KCNB2: variants seen among roughly 807,000 people sequenced by gnomAD.
The protein encoded by KCNB2 is delayed rectifier potassium channel protein.
Under a neutral mutation model 61.5 loss-of-function variants are expected in KCNB2, and 15 were observed. The ratio of observed to expected loss-of-function variants is 0.24; its 90% confidence interval spans 0.16 to 0.38. KCNB2 has a LOEUF of 0.38. Ranked by LOEUF, KCNB2 falls within the 10% of genes least tolerant of loss-of-function variation. The pLI, the probability that KCNB2 is intolerant of heterozygous loss-of-function variation, is 1.00. For synonymous variants in KCNB2, 457 were observed against 446.0 expected (o/e 1.02, Z -0.31); for missense variants, 828 against 1,125.2 (o/e 0.74, Z 3.78).
chr8:72,725,129 AT>A (rs1371507925), intron 2 of KCNB2, among the ~76,000 whole-genome samples: 1 of 152,090 alleles, frequency 6.6e-6, no homozygotes, highest in African/African-American at 2.4e-5. Context: ...CAAAAGAATA[AT>A]TTTTCTCCCC....
At chr8:72,856,946 T>C (rs78688831) in intron 2 of KCNB2, among the ~76,000 whole-genome samples, 1 of 152,104 alleles carries the variant, frequency 6.6e-6, no homozygotes, top group Non-Finnish European at 1.5e-5. Flanking sequence ...CAGAAACATA[T>C]GGAAATGCAG....
intron 2 of KCNB2, among the ~76,000 whole-genome samples, chr8:72,727,401 TTC>T (rs976082039): frequency 6.6e-6 from 1 of 152,202 alleles, no homozygotes; most frequent in African/African-American, 2.4e-5. Flanking sequence ...TGCTCCTCTT[TTC>T]TTTGTTCTTT....
chr8:72,933,359 T>A (rs535688967), intron 2 of KCNB2, among the ~76,000 whole-genome samples: 1 of 152,370 alleles, frequency 6.6e-6, no homozygotes, highest in Non-Finnish European at 1.5e-5. Context: ...TTTCACTTTA[T>A]CCTTTGCCAA....
rs1554546075 is a variant in KCNB2 at position 72,937,065 on chromosome 8, T to C, written c.1710T>C (p.Tyr570=). 3.1e-6 allele frequency: 5 copies of C among 1,613,902 alleles called. No individual in the cohort carries two copies. The South Asian group carries it at 5.5e-5, about 18-fold the overall frequency. ...CQEKPERPSA[Y]EEEIEMEEVV... ...AAAAGCCTGAGAGGCCATCTGCATA[T>C]GAAGAAGAGATTGAAATGGAAGAAG... is the stretch of plus-strand genomic sequence containing the variant. Residue 570 remains tyrosine (Y), a synonymous_variant, in exon 3 of 3, where the codon TAT becomes TAC. Transcript: ENST00000523207.
intron 2 of KCNB2, among the ~76,000 whole-genome samples, chr8:72,893,299 T>A (rs1350123693): frequency 6.6e-6 from 1 of 152,162 alleles, no homozygotes; most frequent in African/African-American, 2.4e-5. Context: ...AATTTATTAT[T>A]TTTTATTTCA....
chr8:72,840,409 C>T (rs1809860910), intron 2 of KCNB2, among the ~76,000 whole-genome samples: 1 of 152,136 alleles, frequency 6.6e-6, no homozygotes, highest in East Asian at 1.9e-4. Flanking sequence ...GATTTATAAT[C>T]CTTCAGGTAT....
At chr8:72,682,356 A>G (rs1274283798) in intron 2 of KCNB2, among the ~76,000 whole-genome samples, 4 of 152,112 alleles carry the variant, frequency 2.6e-5, no homozygotes, top group African/African-American at 4.8e-5. Flanking sequence ...ATTATACCAT[A>G]CCTTTTGGAA....
Position 72,613,923 on chromosome 8 carries a change from G to A in KCNB2, c.579+45610G>A, listed in dbSNP as rs60114938. Among the ~76,000 whole-genome samples the A allele has an allele frequency of 1.9e-3, 293 of 152,260 alleles. 2 individuals carry two copies. The highest frequency in any genetic ancestry group is 6.7e-3 in the African/African-American group (278 of 41,556). On this transcript the variant is annotated intron_variant, in intron 2 of 2. Coordinates refer to ENST00000523207, the MANE Select transcript of KCNB2 (RefSeq NM_004770.3). Reference sequence around the variant, plus strand: ...ATGGGATCTTACCCGTTCTCAATACGCAGAGATTATGGGTTTAAACTCCCA... The same window carrying A: ...ATGGGATCTTACCCGTTCTCAATACACAGAGATTATGGGTTTAAACTCCCA...
chr8:72,818,949 T>C (rs1809448041), intron 2 of KCNB2, among the ~76,000 whole-genome samples: 1 of 152,208 alleles, frequency 6.6e-6, no homozygotes, highest in Admixed American at 6.5e-5. Context: ...TGCTTACCAG[T>C]TGTGTAAAAC....
chr8:72,657,621 A>G lies in KCNB2; in HGVS notation c.579+89308A>G, dbSNP rs187735729. Among the ~76,000 whole-genome samples, 387 of 152,308 alleles carry G rather than the reference A, an allele frequency of 2.5e-3. 2 individuals are homozygous for G. The highest frequency in any genetic ancestry group is 3.6e-3 in the Admixed American group (55 of 15,294). On this transcript the variant is annotated intron_variant, in intron 2 of 2. Coordinates refer to ENST00000523207, the MANE Select transcript of KCNB2 (RefSeq NM_004770.3). Reference sequence around the variant, plus strand: ...ACAGTCTCCTAAGAAATACAATTCTATCCAGTTTCCACTGAGCAATTGTAT... The same window carrying G: ...ACAGTCTCCTAAGAAATACAATTCTGTCCAGTTTCCACTGAGCAATTGTAT...
intron 2 of KCNB2, among the ~76,000 whole-genome samples, chr8:72,595,239 C>T (rs1392719150): frequency 6.6e-6 from 1 of 152,000 alleles, no homozygotes; most frequent in East Asian, 1.9e-4. Flanking sequence ...TCATGAGGCC[C>T]TCAAGTGCAT....
intron 2 of KCNB2, among the ~76,000 whole-genome samples, chr8:72,782,310 G>A (rs1025635031): frequency 1.3e-5 from 2 of 151,936 alleles, no homozygotes; most frequent in African/African-American, 2.4e-5. Context: ...TAGGGTAAAC[G>A]CACCTGATAG....
At chr8:72,834,006 T>C (rs1809738410) in intron 2 of KCNB2, among the ~76,000 whole-genome samples, 1 of 152,224 alleles carries the variant, frequency 6.6e-6, no homozygotes, top group South Asian at 2.1e-4. Flanking sequence ...CAGATACTGT[T>C]TTCTCCACAA....
intron 2 of KCNB2, among the ~76,000 whole-genome samples, chr8:72,867,901 G>C (rs909009648): frequency 2.0e-5 from 3 of 152,086 alleles, no homozygotes; most frequent in Non-Finnish European, 4.4e-5. Context: ...TTATTTGGCT[G>C]TTATCTTCTT....
rs776693625 is a variant in KCNB2, at chr8:72,915,216, C to T, written c.580-20719C>T. Among the ~76,000 whole-genome samples the T allele has an allele frequency of 5.9e-5, 9 of 152,274 alleles. No individual in the cohort carries two copies. In the East Asian group the frequency reaches 9.7e-4, roughly 16 times the overall value. On this transcript the variant is annotated intron_variant, in intron 2 of 2. Coordinates refer to ENST00000523207, the MANE Select transcript of KCNB2 (RefSeq NM_004770.3). ...GGATTACAGGCATGAGCCACTGCGC[C>T]GAGCATGACTGATCTTTAAAACAAT... is the stretch of plus-strand genomic sequence containing the variant.
At chr8:72,859,871 C>T (rs890374890) in intron 2 of KCNB2, among the ~76,000 whole-genome samples, 2 of 151,834 alleles carry the variant, frequency 1.3e-5, no homozygotes, top group Admixed American at 6.6e-5. Context: ...AGGCATGTGC[C>T]ACTATGCCTG....
chr8:72,923,334 A>G (rs558332022), intron 2 of KCNB2, among the ~76,000 whole-genome samples: 2 of 152,278 alleles, frequency 1.3e-5, no homozygotes, highest in South Asian at 4.2e-4. Flanking sequence ...GATTTTACCC[A>G]CAAAAGACGG....
chr8:72,575,061 G>A (rs1049696236), intron 2 of KCNB2, among the ~76,000 whole-genome samples: 8 of 151,994 alleles, frequency 5.3e-5, no homozygotes, highest in African/African-American at 1.9e-4. Context: ...TTTCCCATGG[G>A]GCATATACCT....
intron 1 of KCNB2, among the ~76,000 whole-genome samples, chr8:72,555,648 T>C (rs1294345090): frequency 6.6e-6 from 1 of 151,978 alleles, no homozygotes; most frequent in Non-Finnish European, 1.5e-5. Context: ...GAAGAATTTT[T>C]TTTTTGGCAT....
Sources: gnomAD v4.1 joint callset for allele counts (sites outside exome capture counted in the v4.1 genomes callset) on GRCh38, gnomAD v4.1.1 for gene constraint, MANE v1.5 for transcripts, NCBI Gene and HGNC (gene_info 2026-07-23, HGNC 2026-07-21) for gene names.